The following RAB11B variants were observed in gnomAD, a reference collection of about 807,000 sequenced individuals.
RAB11B encodes ras-related protein Rab-11B.
In RAB11B, 7 loss-of-function variants were observed where a neutral mutation model predicts 23.7. The ratio of observed to expected loss-of-function variants is 0.29; its 90% CI spans 0.17 to 0.55. RAB11B has a LOEUF of 0.55. Ranked by LOEUF, RAB11B falls within the 20% of genes least tolerant of loss-of-function variation. RAB11B has a pLI of 0.93. For synonymous variants in RAB11B, 138 were observed against 132.0 expected, an observed-to-expected ratio of 1.05 and a Z score of -0.31; for missense variants, 189 against 320.0, an observed-to-expected ratio of 0.59 and a Z score of 3.12.
Position 8,403,442 on chromosome 19 carries a change from A to G in RAB11B, c.541A>G (p.Ile181Val). 6.2e-7 allele frequency: 1 copy of G among 1,613,936 alleles called. No homozygotes were observed. ...EIYRIVSQKQ[I>V]ADRAAHDESP... Reference sequence around the variant, plus strand: ...CTACCGCATCGTGTCACAGAAACAGATCGCAGACCGCGCTGCCCACGACGA... The same window carrying G: ...CTACCGCATCGTGTCACAGAAACAGGTCGCAGACCGCGCTGCCCACGACGA... The change falls in exon 5 of 5, where the codon ATC (isoleucine) becomes GTC (valine). Residue 181 changes from isoleucine (I) to valine (V), a missense_variant. By Grantham distance (29) the Ile-to-Val change is conservative. Around this residue, in one of 5 missense-constraint regions of RAB11B, gnomAD observed 122 missense variants for 170.8 expected, o/e 0.71. Coordinates refer to ENST00000328024, the MANE Select transcript of RAB11B (RefSeq NM_004218.4).
At chr19:8,402,616 A>C in intron 4 of RAB11B, 51 bp downstream of exon 4, 2 of 1,380,874 alleles carry the variant, frequency 1.4e-6, no homozygotes, top group Non-Finnish European at 2.1e-6. Context: ...GGCAGGGTGG[A>C]ACACGGCCTC....
intron 2 of RAB11B, chr19:8,400,360 T>G: frequency 6.8e-6 from 3 of 440,438 alleles, no homozygotes; most frequent in East Asian, 4.2e-5. Flanking sequence ...CTCCCTCAGC[T>G]TCCCTCCTCA....
chr19:8,398,391 C>A (rs761667978), intron 1 of RAB11B, among the ~76,000 whole-genome samples: 4 of 152,358 alleles, frequency 2.6e-5, no homozygotes, highest in South Asian at 4.1e-4. Context: ...GTGCACCCCC[C>A]TCCTGGGACA....
chr19:8,401,377 G>A (rs1971435849), intron 2 of RAB11B, among the ~76,000 whole-genome samples: 2 of 151,060 alleles, frequency 1.3e-5, no homozygotes, highest in Admixed American at 6.6e-5. Flanking sequence ...ACCCTGCCTG[G>A]CCTATTTATT....
intron 1 of RAB11B, among the ~76,000 whole-genome samples, chr19:8,395,234 C>T (rs2145508163): frequency 6.6e-6 from 1 of 151,332 alleles, no homozygotes; most frequent in East Asian, 1.9e-4. Flanking sequence ...AGGTGCTGGG[C>T]CACACGCCTA....
intron 1 of RAB11B, among the ~76,000 whole-genome samples, chr19:8,399,243 G>A (rs1244390782): frequency 1.3e-5 from 2 of 151,872 alleles, no homozygotes; most frequent in Non-Finnish European, 2.9e-5. Flanking sequence ...GTGAGCCACC[G>A]CGCCCGGGTA....
chr19:8,392,082 C>G (rs1186518144), intron 1 of RAB11B, among the ~76,000 whole-genome samples: 1 of 151,962 alleles, frequency 6.6e-6, no homozygotes, highest in African/African-American at 2.4e-5. Flanking sequence ...AACTTTGGGT[C>G]CTGCTGATCG....
chr19:8,400,068 G>A lies in RAB11B; in HGVS notation c.236+10G>A, dbSNP rs1411617232. The A allele has an allele frequency of 5.0e-6, 8 of 1,605,792 alleles. No individual in the cohort carries two copies. The highest frequency in any genetic ancestry group is 4.5e-5 in the East Asian group (2 of 44,590). On this transcript the variant is annotated intron_variant, in intron 2 of 4. Coordinates refer to ENST00000328024, the MANE Select transcript of RAB11B (RefSeq NM_004218.4). ...GCGCCATCACCTCCGCGTGCGTGTCGGCAGCCTGGGCAGGGACGCTGAGAT... is the reference window on the plus strand; with the variant it reads ...GCGCCATCACCTCCGCGTGCGTGTCAGCAGCCTGGGCAGGGACGCTGAGAT...
chr19:8,392,473 G>A (rs1429601408), intron 1 of RAB11B, among the ~76,000 whole-genome samples: 1 of 151,444 alleles, frequency 6.6e-6, no homozygotes, highest in Non-Finnish European at 1.5e-5. Context: ...GGGGGGGGGC[G>A]GTGCCTGCCC....
intron 1 of RAB11B, among the ~76,000 whole-genome samples, chr19:8,398,103 G>A (rs748521587): frequency 6.6e-6 from 1 of 152,130 alleles, no homozygotes; most frequent in South Asian, 2.1e-4. Flanking sequence ...AGCCTGGGGC[G>A]GCTGGGCCCA....
At position 8,402,499 on chromosome 19, in the gene RAB11B, T is replaced by C. The variant is rs1434285419; in HGVS notation, c.445T>C (p.Ser149Pro). Reference sequence around the variant, plus strand: ...CTTTGTTCCAGAAAAGAACAACTTGTCCTTCATCGAGACCTCAGCCTTGGA... The same window carrying C: ...CTTTGTTCCAGAAAAGAACAACTTGCCCTTCATCGAGACCTCAGCCTTGGA... ...ARAFAEKNNL[S>P]FIETSALDST... The change falls in exon 4 of 5, where the codon TCC becomes CCC. Residue 149 changes from serine (S) to proline (P), a missense_variant. Physicochemically the swap from Ser to Pro is moderately conservative, Grantham distance 74 (BLOSUM62 -1). This residue lies in a region of RAB11B where 122 missense variants were observed against 170.8 expected (regional missense o/e 0.71). Transcript: ENST00000328024. 6.2e-7 allele frequency: 1 copy of C among 1,613,694 alleles called. No homozygotes were observed. The highest frequency in any genetic ancestry group is 8.5e-7 in the Non-Finnish European group (1 of 1,179,710).
At chr19:8,395,168 C>T (rs1971386907) in intron 1 of RAB11B, among the ~76,000 whole-genome samples, 1 of 151,598 alleles carries the variant, frequency 6.6e-6, no homozygotes, top group Non-Finnish European at 1.5e-5. Flanking sequence ...ACAGTGAGTC[C>T]ATCTTGGCCC....
intron 1 of RAB11B, among the ~76,000 whole-genome samples, chr19:8,399,333 C>G (rs2967608): frequency 0.29 from 43,939 of 152,128 alleles, 6,744 homozygotes; most frequent in East Asian, 0.59. Context: ...AGTGATCCGC[C>G]TGGCTCATCC....
rs151137239 is a variant in RAB11B at position 8,397,057 on chromosome 19, G to A, written c.41-2806G>A. Among the ~76,000 whole-genome samples, 20 of 152,344 alleles carry A rather than the reference G, an allele frequency of 1.3e-4. No homozygotes were observed. The East Asian group carries it at 3.9e-3, about 29-fold the overall frequency. ...ATTCTGAGATGCGAGAGAAAGGAAGGAGTCGAGAATGACTCCAGGTTTCTG... is the reference window on the plus strand; with the variant it reads ...ATTCTGAGATGCGAGAGAAAGGAAGAAGTCGAGAATGACTCCAGGTTTCTG... On this transcript the variant is annotated intron_variant, in intron 1 of 4. Transcript: ENST00000328024.
In RAB11B at chr19:8,403,735, G is replaced by T; in HGVS notation, c.*177G>T. 3.3e-6 allele frequency: 3 copies of T among 906,152 alleles called. 1 individual carries two copies. The South Asian group carries it at 6.3e-5, about 19-fold the overall frequency. The allele number at this position is 906,152 out of a possible 1,614,324, so 56.1% of individuals were successfully genotyped here. On this transcript the variant is annotated 3_prime_UTR_variant, in exon 5 of 5. Transcript: ENST00000328024. ...AGCCAGTGCTACCCCGTCCTGCCCG[G>T]GGAAAAGCTAGAAGCCCCGGTTTGC...
chr19:8,396,712 G>A lies in RAB11B; in HGVS notation c.41-3151G>A, dbSNP rs574100280. ...GTGTGGCTGGAGCAGAGTGAGCCGG[G>A]GGGGGGGCGGGAGGGAGGAGGGGAG... On this transcript the variant is annotated intron_variant, in intron 1 of 4. Coordinates refer to ENST00000328024, the MANE Select transcript of RAB11B (RefSeq NM_004218.4). This position sits in a 1 kb window ranked among gnomAD's most constrained non-coding sequence, Gnocchi z 5.0. Among the ~76,000 whole-genome samples, 8 of 147,236 alleles carry A rather than the reference G, an allele frequency of 5.4e-5. No homozygotes were observed. The highest frequency in any genetic ancestry group is 4.1e-4 in the East Asian group (2 of 4,870).
chr19:8,403,651 C>T lies in RAB11B; in HGVS notation c.*93C>T, dbSNP rs981778880. On this transcript the variant is annotated 3_prime_UTR_variant, in exon 5 of 5. Coordinates refer to ENST00000328024, the MANE Select transcript of RAB11B (RefSeq NM_004218.4). ...CTCCCTGCTGTCCCTCTGTGGCCGG[C>T]TCGTTCCAGCCCTCCCAGTGAGCTC... is the stretch of plus-strand genomic sequence containing the variant. 1 of 1,500,186 alleles carries T rather than the reference C, an allele frequency of 6.7e-7. No homozygotes were observed. The highest frequency in any genetic ancestry group is 1.9e-5 in the Admixed American group (1 of 52,074). The allele number at this position is 1,500,186 out of a possible 1,614,324, so 92.9% of individuals were successfully genotyped here. A position where few individuals can be genotyped will look rare whatever the true frequency, so the allele number is the denominator to read the frequency against.
chr19:8,398,118 G>A (rs928222434), intron 1 of RAB11B, among the ~76,000 whole-genome samples: 2 of 152,152 alleles, frequency 1.3e-5, no homozygotes, highest in African/African-American at 4.8e-5. Flanking sequence ...GGCCCATAGG[G>A]ACAGTGCTTC....
chr19:8,402,910 G>A, intron 4 of RAB11B: 1 of 463,564 alleles, frequency 2.2e-6, no homozygotes, highest in Middle Eastern at 6.0e-4. Context: ...TGATCCTCCT[G>A]CCTCAGCCTC....
Sources: allele counts gnomAD v4.1 joint callset (sites outside exome capture counted in the v4.1 genomes callset), GRCh38; gene constraint gnomAD v4.1.1; regional missense constraint gnomAD v4.1.1; non-coding constraint Gnocchi (gnomAD v3.1); transcripts MANE v1.5; gene names NCBI Gene and HGNC (gene_info 2026-07-23, HGNC 2026-07-21).